Variants in TENM3 observed in about 807,000 individuals in gnomAD.
TENM3 encodes the protein teneurin-3.
TENM3 carries 63 observed loss-of-function variants against 255.1 expected under a neutral mutation model. That is an observed-to-expected ratio of 0.25 (90% CI 0.20 to 0.30). The LOEUF (loss-of-function observed/expected upper bound fraction) is 0.30, where lower values mean the gene tolerates loss of function less well. Among genes scored for constraint, TENM3 ranks in the 10% least tolerant of loss-of-function variants. The pLI, the probability that TENM3 is intolerant of heterozygous loss-of-function variation, is 1.00. For synonymous variants in TENM3, 1,306 were observed against 1,322.3 expected (o/e 0.99, Z 0.27); for missense variants, 2,929 against 3,461.1 (o/e 0.85, Z 3.86).
At chr4:181,488,887 C>T in the TENM3 span, among the ~76,000 whole-genome samples, 21 of 152,136 alleles carry the variant, frequency 1.4e-4, no homozygotes, top group East Asian at 3.9e-4. Context: ...GTATTTGCCT[C>T]GTCACGAACC....
chr4:181,679,662 T>C, the TENM3 span, among the ~76,000 whole-genome samples: 1 of 152,166 alleles, frequency 6.6e-6, no homozygotes, highest in South Asian at 2.1e-4. Context: ...GGAATATATA[T>C]GACACTGATT....
chr4:182,303,999 G>A (rs1452653362), intron 1 of TENM3, among the ~76,000 whole-genome samples: 2 of 151,978 alleles, frequency 1.3e-5, no homozygotes, highest in African/African-American at 4.8e-5. Context: ...TAAAAGTCAT[G>A]GAGACATATA....
intron 3 of TENM3, among the ~76,000 whole-genome samples, chr4:182,481,391 G>T (rs1734185984): frequency 6.6e-6 from 1 of 152,088 alleles, no homozygotes; most frequent in Non-Finnish European, 1.5e-5. Flanking sequence ...GCTCCTGTTA[G>T]TTATCTGTTT....
chr4:182,649,203 A>T (rs1218367805), intron 5 of TENM3, among the ~76,000 whole-genome samples: 1 of 142,666 alleles, frequency 7.0e-6, no homozygotes, highest in Non-Finnish European at 1.6e-5. Context: ...GTCTTGCAAA[A>T]TACTCCCATT....
the TENM3 span, among the ~76,000 whole-genome samples, chr4:181,870,653 T>G: frequency 6.6e-6 from 1 of 152,176 alleles, no homozygotes; most frequent in Non-Finnish European, 1.5e-5. Flanking sequence ...AAGTATCTTT[T>G]GGGTATTTGG....
At chr4:181,709,640 G>A in the TENM3 span, among the ~76,000 whole-genome samples, 1 of 152,244 alleles carries the variant, frequency 6.6e-6, no homozygotes, top group Non-Finnish European at 1.5e-5. Context: ...GTGGCCCCTG[G>A]CCAGATCACA....
At chr4:182,701,761 A>G (rs941134657) in intron 12 of TENM3, among the ~76,000 whole-genome samples, 4 of 152,220 alleles carry the variant, frequency 2.6e-5, no homozygotes, top group Non-Finnish European at 5.9e-5. Context: ...AATTATGACT[A>G]CATGTTTGTG....
chr4:182,719,261 T>C (rs973534855), intron 13 of TENM3, among the ~76,000 whole-genome samples: 11 of 127,144 alleles, frequency 8.7e-5, no homozygotes, highest in Admixed American at 3.1e-4. Flanking sequence ...TCTTTTTTTT[T>C]TTTTTTTTTT....
At chr4:182,282,927 A>G (rs1260527152) in intron 1 of TENM3, among the ~76,000 whole-genome samples, 2 of 151,906 alleles carry the variant, frequency 1.3e-5, no homozygotes, top group African/African-American at 2.4e-5. Flanking sequence ...TTTATAGTTA[A>G]ATATCTCCTA....
At chr4:181,782,485 T>C in the TENM3 span, among the ~76,000 whole-genome samples, 2 of 152,202 alleles carry the variant, frequency 1.3e-5, no homozygotes, top group African/African-American at 2.4e-5. Context: ...ATCATTTTTA[T>C]TGTGTTTATT....
chr4:182,800,124 C>T lies in TENM3; in HGVS notation c.7873C>T (p.Arg2625Trp). Residue 2625 changes from arginine (R) to tryptophan (W), a missense_variant, in exon 28 of 28, where the codon CGG becomes TGG. Transcript: ENST00000511685. ...GAAGGCGCGCATCCTGGAGCAGGCGCGGCAGCGCGCGCTCGCCCGGGCCTG... is the reference window on the plus strand; with the variant it reads ...GAAGGCGCGCATCCTGGAGCAGGCGTGGCAGCGCGCGCTCGCCCGGGCCTG... ...EEKARILEQA[R>W]QRALARAWAR... 6.7e-7 allele frequency: 1 copy of T among 1,493,324 alleles called. No homozygotes were observed. Among genetic ancestry groups the T allele is most frequent in the East Asian group, 2.5e-5 (1 of 39,528 alleles). The allele number at this position is 1,493,324 out of a possible 1,614,324, so 92.5% of individuals were successfully genotyped here. A position where few individuals can be genotyped will look rare whatever the true frequency, so the allele number is the denominator to read the frequency against.
chr4:181,979,971 A>G, the TENM3 span, among the ~76,000 whole-genome samples: 9 of 152,184 alleles, frequency 5.9e-5, no homozygotes, highest in African/African-American at 2.2e-4. Flanking sequence ...TGTGAGTCAC[A>G]CTGGATCTCA....
At chr4:182,678,685 C>A (rs1755849939) in intron 7 of TENM3, among the ~76,000 whole-genome samples, 1 of 152,144 alleles carries the variant, frequency 6.6e-6, no homozygotes, top group Admixed American at 6.5e-5. Flanking sequence ...TAAAGCCTTC[C>A]TACGAGGGTT....
At chr4:182,077,151 G>C in the TENM3 span, among the ~76,000 whole-genome samples, 2 of 152,114 alleles carry the variant, frequency 1.3e-5, no homozygotes, top group Non-Finnish European at 1.5e-5. Context: ...TCATGCTGCT[G>C]TGATGAATTA....
At chr4:182,078,610 C>G in the TENM3 span, among the ~76,000 whole-genome samples, 1 of 152,128 alleles carries the variant, frequency 6.6e-6, no homozygotes, top group Non-Finnish European at 1.5e-5. Flanking sequence ...CACATTGATA[C>G]TTTTTAAAAC....
the TENM3 span, among the ~76,000 whole-genome samples, chr4:181,744,981 T>C: frequency 2.0e-5 from 3 of 152,162 alleles, no homozygotes; most frequent in African/African-American, 7.2e-5. Context: ...ACTTTAGATA[T>C]TGGTCGAAAA....
At chr4:181,651,513 A>G in the TENM3 span, among the ~76,000 whole-genome samples, 2 of 151,966 alleles carry the variant, frequency 1.3e-5, no homozygotes, top group Non-Finnish European at 2.9e-5. Context: ...ACTTGAACCC[A>G]GGAGGCTGAG....
the TENM3 span, among the ~76,000 whole-genome samples, chr4:181,455,854 A>G: frequency 6.6e-6 from 1 of 152,014 alleles, no homozygotes. Flanking sequence ...GTGAGATTAT[A>G]GAATGGGGGC....
chr4:182,141,402 G>A (rs955549647), upstream of TENM3: 1 of 152,248 alleles, frequency 6.6e-6, no homozygotes, highest in Non-Finnish European at 1.5e-5. Context: ...TGCTTTCCAG[G>A]GATTCATCCG....
Sources: allele counts gnomAD v4.1 joint callset (sites outside exome capture counted in the v4.1 genomes callset), GRCh38; gene constraint gnomAD v4.1.1; transcripts MANE v1.5; gene names NCBI Gene and HGNC (gene_info 2026-07-23, HGNC 2026-07-21).